Variants in DRICH1 observed in about 807,000 individuals in gnomAD.
DRICH1 encodes the protein aspartate-rich protein 1.
A neutral mutation model predicts 39.5 loss-of-function variants in DRICH1; 38 were observed. The ratio of observed to expected loss-of-function variants is 0.96; its 90% CI spans 0.74 to 1.26. DRICH1 has a LOEUF of 1.26. Among genes scored for constraint, DRICH1 ranks in the 50% most tolerant of loss-of-function variants. The probability of loss-of-function intolerance (pLI) is 0.00; values close to 1 mark genes in which losing one functional copy is unlikely to be tolerated. For missense variants in DRICH1, 279 were observed against 270.4 expected, an observed-to-expected ratio of 1.03 and a Z score of -0.22; for synonymous variants, 84 against 99.5, an observed-to-expected ratio of 0.84 and a Z score of 0.93.
downstream of DRICH1, among the ~76,000 whole-genome samples, chr22:23,603,534 A>G (rs919540526): frequency 6.6e-6 from 1 of 152,100 alleles, no homozygotes; most frequent in African/African-American, 2.4e-5. Context: ...ATCTGAGGAT[A>G]AAGGCGGGCC....
chr22:23,583,632 A>G, the DRICH1 span, among the ~76,000 whole-genome samples: 1 of 152,274 alleles, frequency 6.6e-6, no homozygotes, highest in Non-Finnish European at 1.5e-5. Flanking sequence ...GCTGCATGCC[A>G]GACAGCTCCC....
chr22:23,582,994 C>T, the DRICH1 span: 1 of 152,200 alleles, frequency 6.6e-6, no homozygotes, highest in South Asian at 2.1e-4. Flanking sequence ...TGCACTGCAA[C>T]TCAGAGGGTG....
rs531622562 is a variant in DRICH1 at position 23,626,108 on chromosome 22, G to A, written c.209-60C>T. ...TGGTTGGAGACTGGGAGTCCCTCAG[G>A]GAGCTTTGCTGGATGCGGCACATGG... is the stretch of plus-strand genomic sequence containing the variant. On this transcript the variant is annotated intron_variant, in intron 1 of 11. Transcript: ENST00000317749. 314 of 1,235,762 alleles carry A rather than the reference G, an allele frequency of 2.5e-4. 2 individuals carry two copies. In the South Asian group the frequency reaches 3.0e-3, roughly 12 times the overall value. 76.5% of individuals were successfully genotyped at this position (1,235,762 alleles called of 1,614,324 possible).
chr22:23,615,211 T>TAAAAATACA (rs1927283093), intron 8 of DRICH1, among the ~76,000 whole-genome samples: 1 of 152,064 alleles, frequency 6.6e-6, no homozygotes, highest in Non-Finnish European at 1.5e-5. Context: ...CCGTCTCTAC[T>TAAAAATACA]AAAAATACAA....
rs149915329 is a variant in DRICH1 at position 23,631,862 on chromosome 22, C to T, written c.162G>A (p.Thr54=). ...VEPGKLDVGA[T]EGQDLQHISN... is the part of the protein sequence containing the mutation. ...TGATGTGCTGCAGGTCTTGGCCCTC[C>T]GTGGCTCCCACATCCAGCTTGCCAG... The change falls in exon 1 of 12, where the codon ACG becomes ACA. Residue 54 remains threonine, a synonymous_variant. Transcript: ENST00000317749. 13 of 1,612,694 alleles carry T rather than the reference C, an allele frequency of 8.1e-6. No homozygotes were observed. The highest frequency in any genetic ancestry group is 2.1e-4 in the Middle Eastern group (1 of 4,846).
intron 11 of DRICH1, 83 bp downstream of exon 11, chr22:23,613,206 C>T (rs1208380444): frequency 3.1e-6 from 3 of 977,720 alleles, no homozygotes; most frequent in East Asian, 2.4e-5. Context: ...CTCCTTCAGC[C>T]CCTCCTCACA....
intron 1 of DRICH1, among the ~76,000 whole-genome samples, chr22:23,627,284 G>GCTGGTCTCGAACTCCTGAC (rs1158958370): frequency 6.6e-6 from 1 of 152,040 alleles, no homozygotes; most frequent in African/African-American, 2.4e-5. Flanking sequence ...TGTTGGCCAG[G>GCTGGTCTCGAACTCCTGAC]CTGGTCTCGA....
At position 23,629,255 on chromosome 22, in the gene DRICH1, T is replaced by A. The variant is rs1455865277; in HGVS notation, c.208+2561A>T. 3.3e-5 allele frequency among the ~76,000 whole-genome samples: 5 copies of A among 152,290 alleles called. No homozygotes were observed. The East Asian group carries it at 9.7e-4, about 29-fold the overall frequency. On this transcript the variant is annotated intron_variant, in intron 1 of 11. Coordinates refer to ENST00000317749, the MANE Select transcript of DRICH1 (RefSeq NM_016449.4). ...GGTTTCGCCAGGTTGGCCAGGCTGG[T>A]CTCAAACTCCTAACCTCAGGCAATC...
chr22:23,592,383 G>A, the DRICH1 span, among the ~76,000 whole-genome samples: 6 of 114,694 alleles, frequency 5.2e-5, no homozygotes, highest in East Asian at 1.6e-3. Context: ...TGATATCAAG[G>A]AGCAAGACTG....
chr22:23,605,108 G>A (rs1051291186), downstream of DRICH1, among the ~76,000 whole-genome samples: 1 of 152,130 alleles, frequency 6.6e-6, no homozygotes, highest in Admixed American at 6.5e-5. Context: ...CTGACTATGA[G>A]GTCACTGAGA....
At position 23,611,344 on chromosome 22, in the gene DRICH1, T is replaced by C. The variant is rs57820280; in HGVS notation, c.685+1945A>G. On this transcript the variant is annotated intron_variant, in intron 11 of 11. Coordinates refer to ENST00000317749, the MANE Select transcript of DRICH1 (RefSeq NM_016449.4). ...ATTGTGACACTTCAAGGAGACAACA[T>C]ACAGAAGTGCCCACATACCCAATTT... 4.4e-3 allele frequency among the ~76,000 whole-genome samples: 669 copies of C among 152,078 alleles called. 5 individuals are homozygous for C. Among genetic ancestry groups the C allele is most frequent in the African/African-American group, 0.015 (639 of 41,490 alleles).
chr22:23,598,918 G>A, the DRICH1 span, among the ~76,000 whole-genome samples: 1 of 152,180 alleles, frequency 6.6e-6, no homozygotes, highest in Non-Finnish European at 1.5e-5. Flanking sequence ...TCAGTGAGAG[G>A]CTCTGGCCTG....
intron 4 of DRICH1, among the ~76,000 whole-genome samples, chr22:23,621,213 C>G (rs146153227): frequency 2.6e-5 from 4 of 151,864 alleles, no homozygotes; most frequent in Non-Finnish European, 4.4e-5. Flanking sequence ...TTGTTGGGCC[C>G]CCTCTCCTCC....
chr22:23,624,918 AAAG>A lies in DRICH1; in HGVS notation c.277-17_277-15del, dbSNP rs541430692. The A allele has an allele frequency of 1.5e-4, 248 of 1,613,122 alleles. 2 individuals are homozygous for A. The African/African-American group carries it at 2.9e-3, about 19-fold the overall frequency. ...TGATGGTAAAATCTGCAATGAGACA[AAAG>A]AAGATGCTATGAGGATCAGATCAAT... On this transcript the variant is annotated splice_polypyrimidine_tract_variant and intron_variant, in intron 2 of 11. Coordinates refer to ENST00000317749, the MANE Select transcript of DRICH1 (RefSeq NM_016449.4).
the DRICH1 span, among the ~76,000 whole-genome samples, chr22:23,585,059 GGCT>G: frequency 2.6e-5 from 4 of 152,060 alleles, no homozygotes; most frequent in African/African-American, 9.7e-5. Context: ...CCCAACTGTT[GGCT>G]TATTCAGCAG....
chr22:23,605,628 A>C (rs979179), downstream of DRICH1, among the ~76,000 whole-genome samples: 1 of 148,982 alleles, frequency 6.7e-6, no homozygotes, highest in African/African-American at 2.5e-5. Flanking sequence ...CTCCATTCCC[A>C]CCCCTGCCTC....
chr22:23,582,772 G>A, the DRICH1 span, among the ~76,000 whole-genome samples: 1 of 151,894 alleles, frequency 6.6e-6, no homozygotes, highest in Non-Finnish European at 1.5e-5. Flanking sequence ...TGTTGATCAG[G>A]CTGGTCCCGA....
chr22:23,590,710 C>T, the DRICH1 span, among the ~76,000 whole-genome samples: 22 of 151,974 alleles, frequency 1.4e-4, no homozygotes, highest in East Asian at 1.7e-3. Context: ...GTGATTCTCC[C>T]GCCTCAGCCT....
rs375962587 is a variant in DRICH1 at position 23,632,285 on chromosome 22, T to C, written c.-262A>G. On this transcript the variant is annotated 5_prime_UTR_variant, in exon 1 of 12. Transcript: ENST00000317749. ...CAAAAACTGCCATCAAAGAGCACAG[T>C]TGGAGCTCCTCCTCCCTCCACTGCG... 8 of 512,388 alleles carry C rather than the reference T, an allele frequency of 1.6e-5. No individual in the cohort carries two copies. In the Admixed American group the frequency reaches 2.7e-4, roughly 17 times the overall value. 31.7% of individuals were successfully genotyped at this position (512,388 alleles called of 1,614,324 possible).
Sources: gnomAD v4.1 joint callset for allele counts (sites outside exome capture counted in the v4.1 genomes callset) on GRCh38, gnomAD v4.1.1 for gene constraint, MANE v1.5 for transcripts, NCBI Gene and HGNC (gene_info 2026-07-23, HGNC 2026-07-21) for gene names.